Variants in PTTG1IP observed in about 807,000 individuals in gnomAD.
PTTG1IP encodes PTTG1 interacting protein.
In PTTG1IP, 16 loss-of-function variants were observed where a neutral mutation model predicts 24.4. The observed-to-expected ratio is 0.66, with a 90% CI of 0.44 to 1.00. PTTG1IP has a LOEUF of 1.00. PTTG1IP is among the 50% of genes least tolerant of loss of function. The pLI is 0.00. For missense variants in PTTG1IP, 241 were observed against 245.8 expected, an observed-to-expected ratio of 0.98 and a Z score of 0.13; for synonymous variants, 89 against 96.8, an observed-to-expected ratio of 0.92 and a Z score of 0.47.
At chr21:44,854,260 C>A (rs1446900168) in intron 5 of PTTG1IP, among the ~76,000 whole-genome samples, 3 of 152,192 alleles carry the variant, frequency 2.0e-5, no homozygotes, top group Non-Finnish European at 2.9e-5. Context: ...ACAGAAGACT[C>A]AAAACACGTG....
At chr21:44,859,810 C>T (rs920031186) in intron 3 of PTTG1IP, among the ~76,000 whole-genome samples, 2 of 152,192 alleles carry the variant, frequency 1.3e-5, no homozygotes, top group East Asian at 1.9e-4. Flanking sequence ...GCCTCAACAC[C>T]AGCAACAAGT....
chr21:44,870,660 C>T (rs2146475026), intron 1 of PTTG1IP, among the ~76,000 whole-genome samples: 1 of 151,818 alleles, frequency 6.6e-6, no homozygotes, highest in South Asian at 2.1e-4. Context: ...TGCTAGAAAA[C>T]CAGAGATAAA....
At chr21:44,870,751 T>TA (rs1213753623) in intron 1 of PTTG1IP, among the ~76,000 whole-genome samples, 7 of 152,196 alleles carry the variant, frequency 4.6e-5, no homozygotes, top group South Asian at 4.1e-4. Context: ...GGCTTCAACT[T>TA]AGACTCCATT....
At chr21:44,855,904 C>G (rs2083446180) in intron 4 of PTTG1IP, among the ~76,000 whole-genome samples, 1 of 152,196 alleles carries the variant, frequency 6.6e-6, no homozygotes, top group Non-Finnish European at 1.5e-5. Flanking sequence ...GACGAGCCGC[C>G]TTAGCAGCCG....
rs549087260 is a variant in PTTG1IP at position 44,865,884 on chromosome 21, T to C, written c.116-437A>G. 26 of 255,806 alleles carry C rather than the reference T, an allele frequency of 1.0e-4. No homozygotes were observed. The Middle Eastern group carries it at 5.6e-3, about 56-fold the overall frequency. The allele number at this position is 255,806 out of a possible 1,614,324, so 15.8% of individuals were successfully genotyped here. A position where few individuals can be genotyped will look rare whatever the true frequency, so the allele number is the denominator to read the frequency against. On this transcript the variant is annotated intron_variant, in intron 1 of 5. Transcript: ENST00000330938. ...GAGGCCACAGCAACGCCAGCGACAC[T>C]GCCACGCAGCACACTTGTGTCTTTG...
chr21:44,851,778 TTTTTGAA>T, intron 5 of PTTG1IP, 151 bp from the exon 6 acceptor site: 1 of 866,734 alleles, frequency 1.2e-6, no homozygotes, highest in South Asian at 2.7e-5. Context: ...TGCTTAACCT[TTTTTGAA>T]GTCAAACCAC....
chr21:44,867,035 C>T (rs923340850), intron 1 of PTTG1IP, among the ~76,000 whole-genome samples: 13 of 152,182 alleles, frequency 8.5e-5, no homozygotes, highest in African/African-American at 1.7e-4. Context: ...AGGAAGGCTC[C>T]GTGACAGCCC....
intron 5 of PTTG1IP, among the ~76,000 whole-genome samples, chr21:44,852,705 A>C (rs1341055382): frequency 6.6e-6 from 1 of 152,020 alleles, no homozygotes; most frequent in African/African-American, 2.4e-5. Context: ...AAGAGTCATC[A>C]GATACTAGCA....
At chr21:44,871,263 A>G (rs1239975213) in intron 1 of PTTG1IP, among the ~76,000 whole-genome samples, 1 of 152,220 alleles carries the variant, frequency 6.6e-6, no homozygotes, top group African/African-American at 2.4e-5. Context: ...GCAGAACTCC[A>G]CATCAGGAGT....
chr21:44,851,417 G>C lies in PTTG1IP; in HGVS notation c.*164C>G, dbSNP rs1409441452. ...AGAAGGTCACCAGTCTGCAAGACGA[G>C]AGGACTGTCCTTCAGGGGCAGCTCT... On this transcript the variant is annotated 3_prime_UTR_variant, in exon 6 of 6. Coordinates refer to ENST00000330938, the MANE Select transcript of PTTG1IP (RefSeq NM_004339.4). 1.9e-6 allele frequency: 3 copies of C among 1,584,524 alleles called. No individual in the cohort carries two copies. The highest frequency in any genetic ancestry group is 1.7e-6 in the Non-Finnish European group (2 of 1,169,200).
intron 3 of PTTG1IP, among the ~76,000 whole-genome samples, chr21:44,857,703 T>TCACCCCTCTGCTGCC (rs2083459593): frequency 2.6e-5 from 4 of 152,322 alleles, no homozygotes; most frequent in Non-Finnish European, 5.9e-5. Flanking sequence ...CCTCTGGGGC[T>TCACCCCTCTGCTGCC]CCCGCAGCCT....
At chr21:44,853,374 G>A (rs893620173) in intron 5 of PTTG1IP, among the ~76,000 whole-genome samples, 3 of 152,040 alleles carry the variant, frequency 2.0e-5, no homozygotes, top group African/African-American at 7.2e-5. Context: ...TGGGCGTAGT[G>A]GTGGGCACCT....
At chr21:44,865,520 G>T in intron 1 of PTTG1IP, 73 bp from the exon 2 acceptor site, 1 of 1,509,544 alleles carries the variant, frequency 6.6e-7, no homozygotes, top group Non-Finnish European at 9.2e-7. Flanking sequence ...AGCAGGGCAG[G>T]GTGGGCACCA....
intron 1 of PTTG1IP, chr21:44,865,727 A>T (rs1176197697): frequency 3.6e-6 from 2 of 550,664 alleles, no homozygotes; most frequent in African/African-American, 3.8e-5. Context: ...GAGTGCCAAC[A>T]CAGAAGGCTG....
Position 44,852,312 on chromosome 21 carries a change from G to A in PTTG1IP, c.497-685C>T, listed in dbSNP as rs149684375. ...ATTCTCCTGCCTCAGCCTCCGGGTA[G>A]CTAGGACTGCAGGCACCCACCACCA... On this transcript the variant is annotated intron_variant, in intron 5 of 5. Transcript: ENST00000330938. Among the ~76,000 whole-genome samples, 412 of 152,152 alleles carry A rather than the reference G, an allele frequency of 2.7e-3. 2 individuals carry two copies. The highest frequency in any genetic ancestry group is 9.6e-3 in the African/African-American group (397 of 41,486).
At chr21:44,860,572 T>C (rs1156622558) in intron 3 of PTTG1IP, among the ~76,000 whole-genome samples, 1 of 152,214 alleles carries the variant, frequency 6.6e-6, no homozygotes, top group Non-Finnish European at 1.5e-5. Context: ...CAAAACATAC[T>C]GAGCAGAGAA....
At chr21:44,860,524 G>A (rs1169476963) in intron 3 of PTTG1IP, among the ~76,000 whole-genome samples, 10 of 152,112 alleles carry the variant, frequency 6.6e-5, no homozygotes, top group Admixed American at 2.6e-4. Context: ...GGAGATTCTA[G>A]GGGAATTCAC....
chr21:44,863,633 C>G (rs2083511727), intron 2 of PTTG1IP, among the ~76,000 whole-genome samples: 1 of 152,186 alleles, frequency 6.6e-6, no homozygotes, highest in Non-Finnish European at 1.5e-5. Context: ...GCACTCTAGG[C>G]TACAAAGCCA....
At chr21:44,864,746 C>A (rs1159289683) in intron 2 of PTTG1IP, among the ~76,000 whole-genome samples, 4 of 152,368 alleles carry the variant, frequency 2.6e-5, no homozygotes, top group African/African-American at 9.6e-5. Flanking sequence ...GCTTCCCCAC[C>A]ACGGGTGCTC....
Sources: gnomAD v4.1 joint callset for allele counts (sites outside exome capture counted in the v4.1 genomes callset) on GRCh38, gnomAD v4.1.1 for gene constraint, MANE v1.5 for transcripts, NCBI Gene and HGNC (gene_info 2026-07-23, HGNC 2026-07-21) for gene names.